The following ST8SIA5 variants were observed in gnomAD, a reference collection of about 807,000 sequenced individuals.
The protein encoded by ST8SIA5 is ST8 alpha-N-acetyl-neuraminide alpha-2,8-sialyltransferase 5.
In ST8SIA5, 24 loss-of-function variants were observed where a neutral mutation model predicts 40.2. The ratio of observed to expected loss-of-function variants is 0.60; its 90% CI spans 0.43 to 0.84. The LOEUF (loss-of-function observed/expected upper bound fraction) is 0.84. Among genes scored for constraint, ST8SIA5 ranks in the 40% least tolerant of loss-of-function variants. The pLI is 0.00. For synonymous variants in ST8SIA5, 198 were observed against 201.8 expected, an observed-to-expected ratio of 0.98 and a Z score of 0.16; for missense variants, 465 against 498.5, an observed-to-expected ratio of 0.93 and a Z score of 0.64.
At chr18:46,690,233 A>C (rs929011489) in intron 3 of ST8SIA5, among the ~76,000 whole-genome samples, 1 of 152,192 alleles carries the variant, frequency 6.6e-6, no homozygotes, top group Non-Finnish European at 1.5e-5. Flanking sequence ...GGGTGGGAGA[A>C]GGCCTGTTAC....
intron 3 of ST8SIA5, 50 bp from the exon 4 acceptor site, chr18:46,688,969 A>G: frequency 1.9e-6 from 3 of 1,579,128 alleles, no homozygotes; most frequent in Non-Finnish European, 2.6e-6. Context: ...GAAAGATGTG[A>G]TGGAGGGCAG....
rs1488676562 is a variant in ST8SIA5 at position 46,671,124 on chromosome 18, A to T, written c.*8918T>A. 4 of 152,186 alleles carry T rather than the reference A, an allele frequency of 2.6e-5. No homozygotes were observed. Among genetic ancestry groups the T allele is most frequent in the Admixed American group, 2.6e-4 (4 of 15,282 alleles). The allele number at this position is 152,186 out of a possible 1,614,324, so 9.4% of individuals were successfully genotyped here. ...AGTTGTGTTTTCACCCTGCCTCAGTAAAACAGTAGCCATTTCCACTTTTAA... is the reference window on the plus strand; with the variant it reads ...AGTTGTGTTTTCACCCTGCCTCAGTTAAACAGTAGCCATTTCCACTTTTAA... On this transcript the variant is annotated 3_prime_UTR_variant, in exon 7 of 7. Coordinates refer to ENST00000315087, the MANE Select transcript of ST8SIA5 (RefSeq NM_013305.6).
chr18:46,743,336 TA>T, intron 1 of ST8SIA5, among the ~76,000 whole-genome samples: 1 of 152,128 alleles, frequency 6.6e-6, no homozygotes, highest in African/African-American at 2.4e-5. Flanking sequence ...CAGGAATGGC[TA>T]AACTAGAATA....
intron 2 of ST8SIA5, 62 bp downstream of exon 2, chr18:46,704,510 A>AC: frequency 1.5e-5 from 21 of 1,382,890 alleles, no homozygotes; most frequent in Admixed American, 5.3e-5. Context: ...CCACGCACTC[A>AC]CCCCCAACCC....
chr18:46,701,271 G>T (rs1247740342), intron 2 of ST8SIA5, among the ~76,000 whole-genome samples: 1 of 151,114 alleles, frequency 6.6e-6, no homozygotes, highest in East Asian at 1.9e-4. Context: ...CTCCCGAGTA[G>T]CTGGGATTAC....
Position 46,674,429 on chromosome 18 carries a change from G to A in ST8SIA5, c.*5613C>T, listed in dbSNP as rs1219573023. The A allele has an allele frequency of 2.0e-5, 3 of 152,186 alleles. No individual in the cohort carries two copies. The highest frequency in any genetic ancestry group is 6.5e-5 in the Admixed American group (1 of 15,282). The allele number at this position is 152,186 out of a possible 1,614,324, so 9.4% of individuals were successfully genotyped here. ...GGAGGAGTCTCTGCCTTCCTGGGAT[G>A]TGCTAGGTAAAAAAATCAATAGAGG... On this transcript the variant is annotated 3_prime_UTR_variant, in exon 7 of 7. Transcript: ENST00000315087.
chr18:46,745,218 A>G (rs1027189324), intron 1 of ST8SIA5, among the ~76,000 whole-genome samples: 8 of 152,234 alleles, frequency 5.3e-5, no homozygotes, highest in African/African-American at 1.9e-4. Flanking sequence ...CTAAGATCAA[A>G]GCAGAACTGA....
At chr18:46,728,383 C>T (rs985050674) in intron 1 of ST8SIA5, among the ~76,000 whole-genome samples, 8 of 152,210 alleles carry the variant, frequency 5.3e-5, no homozygotes, top group African/African-American at 1.7e-4. Flanking sequence ...TATCCATTCA[C>T]AGTGTGTGGG....
Position 46,756,557 on chromosome 18 carries a change from G to A in ST8SIA5, c.-49C>T, listed in dbSNP as rs1363857438. The A allele has an allele frequency of 1.3e-6, 2 of 1,596,064 alleles. No homozygotes were observed. The highest frequency in any genetic ancestry group is 2.7e-5 in the African/African-American group (2 of 73,134). On this transcript the variant is annotated 5_prime_UTR_variant, in exon 1 of 7. Transcript: ENST00000315087. ...GCGGGGTACGGGGCGGCCAGGCAAT[G>A]ACTCGCGGGGTTCCGGGGCCCCGGG...
intron 1 of ST8SIA5, chr18:46,731,883 T>C (rs2039987978): frequency 6.6e-6 from 1 of 152,144 alleles, no homozygotes. Flanking sequence ...CGCACATTAA[T>C]CATTTATATT....
In ST8SIA5 at chr18:46,678,700, A is replaced by C. The variant is rs2039356505; in HGVS notation, c.*1342T>G. 1 of 152,508 alleles carries C rather than the reference A, an allele frequency of 6.6e-6. No homozygotes were observed. Among genetic ancestry groups the C allele is most frequent in the Non-Finnish European group, 1.5e-5 (1 of 68,122 alleles). 9.4% of individuals were successfully genotyped at this position (152,508 alleles called of 1,614,324 possible). A position where few individuals can be genotyped will look rare whatever the true frequency, so the allele number is the denominator to read the frequency against. On this transcript the variant is annotated 3_prime_UTR_variant, in exon 7 of 7. Transcript: ENST00000315087. ...AAGGGGAGGAGGCAGGGAGAAAGGA[A>C]GGAGGGAGGGAGACAGGTTGCCAGG...
intron 1 of ST8SIA5, among the ~76,000 whole-genome samples, chr18:46,750,873 C>T (rs973353279): frequency 7.9e-5 from 12 of 152,216 alleles, no homozygotes; most frequent in African/African-American, 2.9e-4. Context: ...CCATTGCTCA[C>T]ATCAGTGGTT....
chr18:46,727,366 C>T (rs953789539), intron 1 of ST8SIA5, among the ~76,000 whole-genome samples: 4 of 152,168 alleles, frequency 2.6e-5, no homozygotes, highest in Admixed American at 2.6e-4. Flanking sequence ...TAACATAGCC[C>T]CTTGCTCTCA....
At chr18:46,714,278 C>G (rs1177655653) in intron 1 of ST8SIA5, among the ~76,000 whole-genome samples, 1 of 152,118 alleles carries the variant, frequency 6.6e-6, no homozygotes, top group Non-Finnish European at 1.5e-5. Flanking sequence ...GTGAGCATCC[C>G]CTAATCTAAT....
rs115435449 is a variant in ST8SIA5 at position 46,734,535 on chromosome 18, C to T, written c.131+21843G>A. On this transcript the variant is annotated intron_variant, in intron 1 of 6. Coordinates refer to ENST00000315087, the MANE Select transcript of ST8SIA5 (RefSeq NM_013305.6). ...TGTCCAGTGGTTCCCAAATTGACTCCGTGGAACACTGGGTCACCCTTTGAG... is the reference window on the plus strand; with the variant it reads ...TGTCCAGTGGTTCCCAAATTGACTCTGTGGAACACTGGGTCACCCTTTGAG... Among the ~76,000 whole-genome samples the T allele has an allele frequency of 9.3e-3, 1,419 of 152,250 alleles. 32 individuals are homozygous for T. The highest frequency in any genetic ancestry group is 0.033 in the African/African-American group (1,361 of 41,538).
At chr18:46,713,586 T>C (rs1275463539) in intron 1 of ST8SIA5, among the ~76,000 whole-genome samples, 2 of 152,030 alleles carry the variant, frequency 1.3e-5, no homozygotes, top group Admixed American at 1.3e-4. Context: ...CACATTCAGA[T>C]GGCAGCAAAT....
At chr18:46,726,683 C>G (rs898415055) in intron 1 of ST8SIA5, among the ~76,000 whole-genome samples, 5 of 148,802 alleles carry the variant, frequency 3.4e-5, no homozygotes, top group African/African-American at 1.2e-4. Context: ...CTTTGGGAGG[C>G]CAAGGAGGGT....
At chr18:46,734,997 T>C (rs1392105275) in intron 1 of ST8SIA5, among the ~76,000 whole-genome samples, 1 of 152,242 alleles carries the variant, frequency 6.6e-6, no homozygotes, top group Non-Finnish European at 1.5e-5. Flanking sequence ...AGACCCACCC[T>C]TAATGTGGGT....
intron 2 of ST8SIA5, among the ~76,000 whole-genome samples, chr18:46,704,177 C>G (rs1261370188): frequency 1.3e-5 from 2 of 152,126 alleles, no homozygotes; most frequent in Non-Finnish European, 2.9e-5. Context: ...TTAAAACCAT[C>G]AAAGGTGATA....
Sources: allele counts gnomAD v4.1 joint callset (sites outside exome capture counted in the v4.1 genomes callset), GRCh38; gene constraint gnomAD v4.1.1; transcripts MANE v1.5; gene names NCBI Gene and HGNC (gene_info 2026-07-23, HGNC 2026-07-21).